MAGI2: variants seen among roughly 807,000 people sequenced by gnomAD.
MAGI2 encodes membrane associated guanylate kinase, WW and PDZ domain containing 2.
Under a neutral mutation model 133.3 loss-of-function variants are expected in MAGI2, and 35 were observed. That is an observed-to-expected ratio of 0.26 (90% CI 0.20 to 0.35). The LOEUF (loss-of-function observed/expected upper bound fraction) is 0.35, where lower values mean the gene tolerates loss of function less well. MAGI2 is among the 10% of genes least tolerant of loss of function. The probability of loss-of-function intolerance (pLI) is 1.00; values close to 1 mark genes in which losing one functional copy is unlikely to be tolerated. For missense variants in MAGI2, 1,636 were observed against 1,863.4 expected, an observed-to-expected ratio of 0.88 and a Z score of 2.25; for synonymous variants, 729 against 710.6, an observed-to-expected ratio of 1.03 and a Z score of -0.41.
intron 2 of MAGI2, 32 bp from the exon 3 acceptor site, chr7:78,627,271 A>G: frequency 6.7e-7 from 1 of 1,491,066 alleles, no homozygotes; most frequent in Non-Finnish European, 8.9e-7. Flanking sequence ...CAAAAGAAAG[A>G]CGCTAAGTGA....
chr7:78,389,704 C>T (rs1795724815), intron 6 of MAGI2, among the ~76,000 whole-genome samples: 1 of 106,534 alleles, frequency 9.4e-6, no homozygotes, highest in African/African-American at 3.1e-5. Flanking sequence ...GTTTGCCCCG[C>T]ATTTCAGGTA....
chr7:79,112,673 A>G (rs1004028030), intron 1 of MAGI2, among the ~76,000 whole-genome samples: 3 of 152,134 alleles, frequency 2.0e-5, no homozygotes, highest in Non-Finnish European at 4.4e-5. Context: ...CTAAATGCAT[A>G]CCTTTATGTT....
At chr7:78,327,109 G>A (rs1174929115) in intron 9 of MAGI2, among the ~76,000 whole-genome samples, 1 of 152,144 alleles carries the variant, frequency 6.6e-6, no homozygotes, top group Non-Finnish European at 1.5e-5. Flanking sequence ...ACCTCTGTCA[G>A]CTCCTGCCAC....
At chr7:78,944,246 C>T (rs1206650485) in intron 2 of MAGI2, among the ~76,000 whole-genome samples, 1 of 152,158 alleles carries the variant, frequency 6.6e-6, no homozygotes, top group African/African-American at 2.4e-5. Flanking sequence ...GTTCTCTCTC[C>T]TCCTCACTTC....
At chr7:78,730,878 A>T (rs1821306774) in intron 2 of MAGI2, among the ~76,000 whole-genome samples, 1 of 152,156 alleles carries the variant, frequency 6.6e-6, no homozygotes, top group Admixed American at 6.5e-5. Context: ...TAGCAGAAAG[A>T]TATATTCACT....
intron 20 of MAGI2, among the ~76,000 whole-genome samples, chr7:78,083,834 A>T (rs1239179012): frequency 6.6e-6 from 1 of 152,252 alleles, no homozygotes; most frequent in African/African-American, 2.4e-5. Context: ...AGGCAGGAGA[A>T]GGCAAACATC....
intron 1 of MAGI2, among the ~76,000 whole-genome samples, chr7:79,065,251 T>C (rs770916488): frequency 5.3e-5 from 8 of 152,156 alleles, no homozygotes; most frequent in Non-Finnish European, 8.8e-5. Context: ...AAGTAGCCAC[T>C]AGTTGGTATA....
intron 20 of MAGI2, among the ~76,000 whole-genome samples, chr7:78,110,296 CACAAGAG>C (rs1819223350): frequency 6.6e-6 from 1 of 152,150 alleles, no homozygotes; most frequent in Admixed American, 6.5e-5. Flanking sequence ...CTTTTTCTTC[CACAAGAG>C]ACTAATTCAG....
chr7:79,249,535 A>G (rs903781042), intron 1 of MAGI2, among the ~76,000 whole-genome samples: 3 of 152,170 alleles, frequency 2.0e-5, no homozygotes, highest in Non-Finnish European at 4.4e-5. Context: ...ATGCCAATGA[A>G]TTGGAAAACC....
chr7:78,303,534 C>G (rs13231153), intron 9 of MAGI2, among the ~76,000 whole-genome samples: 1 of 151,936 alleles, frequency 6.6e-6, no homozygotes, highest in African/African-American at 2.4e-5. Context: ...CAAATGAAAG[C>G]GTTGGAACTG....
At chr7:78,840,060 T>G (rs1486913900) in intron 2 of MAGI2, among the ~76,000 whole-genome samples, 1 of 152,068 alleles carries the variant, frequency 6.6e-6, no homozygotes, top group African/African-American at 2.4e-5. Flanking sequence ...ATTAGTAATT[T>G]CAAGTAGTAA....
intron 2 of MAGI2, among the ~76,000 whole-genome samples, chr7:78,944,504 C>A (rs1801245448): frequency 6.6e-6 from 1 of 152,044 alleles, no homozygotes; most frequent in African/African-American, 2.4e-5. Context: ...ATAGGGTCTG[C>A]ATTCCCCTCC....
intron 2 of MAGI2, among the ~76,000 whole-genome samples, chr7:78,813,108 C>T (rs998505928): frequency 2.6e-5 from 4 of 152,112 alleles, no homozygotes; most frequent in Non-Finnish European, 2.9e-5. Context: ...GATGGTTTCA[C>T]GGGCAAATTC....
intron 20 of MAGI2, among the ~76,000 whole-genome samples, chr7:78,091,407 C>G (rs563249655): frequency 3.3e-5 from 5 of 152,088 alleles, no homozygotes; most frequent in African/African-American, 4.8e-5. Context: ...TCTTGGACTT[C>G]CCAGAAACCA....
chr7:78,135,271 C>A, intron 16 of MAGI2, 65 bp from the exon 17 acceptor site: 1 of 1,336,084 alleles, frequency 7.5e-7, no homozygotes, highest in Non-Finnish European at 1.1e-6. Flanking sequence ...TCAGTCCCAG[C>A]CCCAAAGGAA....
At chr7:78,609,574 C>T (rs769741924) in intron 3 of MAGI2, among the ~76,000 whole-genome samples, 26 of 152,148 alleles carry the variant, frequency 1.7e-4, no homozygotes, top group Admixed American at 2.0e-4. Flanking sequence ...ATACTCATGA[C>T]GGTTACAGTC....
intron 1 of MAGI2, among the ~76,000 whole-genome samples, chr7:79,302,874 C>T (rs1225451148): frequency 1.3e-5 from 2 of 152,074 alleles, no homozygotes; most frequent in African/African-American, 2.4e-5. Flanking sequence ...TTTTAATTTC[C>T]CTGACAAAAT....
Position 78,291,854 on chromosome 7 carries a change from C to T in MAGI2, c.1409-35273G>A, listed in dbSNP as rs575754915. 7.4e-4 allele frequency among the ~76,000 whole-genome samples: 59 copies of T among 79,568 alleles called. 1 individual carries two copies. The highest frequency in any genetic ancestry group is 5.2e-3 in the East Asian group (13 of 2,480). The allele number at this position is 79,568 out of a possible 152,430, so 52.2% of individuals were successfully genotyped here. On this transcript the variant is annotated intron_variant, in intron 9 of 21. Coordinates refer to ENST00000354212, the MANE Select transcript of MAGI2 (RefSeq NM_012301.4). The stretch of plus-strand genomic sequence containing the variant: ...AACCATACGATTATCTCAATAGATG[C>T]GGAAAAGGCCTTCAACAAAATTCAA...
At chr7:78,213,183 G>A (rs553629036) in intron 10 of MAGI2, among the ~76,000 whole-genome samples, 1 of 150,346 alleles carries the variant, frequency 6.7e-6, no homozygotes, top group Non-Finnish European at 1.5e-5. Context: ...ATTTGCTTTG[G>A]GATTTCTCTG....
Sources: allele counts gnomAD v4.1 joint callset (sites outside exome capture counted in the v4.1 genomes callset), GRCh38; gene constraint gnomAD v4.1.1; transcripts MANE v1.5; gene names NCBI Gene and HGNC (gene_info 2026-07-23, HGNC 2026-07-21).